CATSPERE: variants seen among roughly 807,000 people sequenced by gnomAD.
CATSPERE encodes catsper channel auxiliary subunit epsilon, also known as cation channel sperm-associated auxiliary subunit epsilon.
Under a neutral mutation model 114.1 loss-of-function variants are expected in CATSPERE, and 93 were observed. That is an observed-to-expected ratio of 0.81 (90% CI 0.69 to 0.97). The LOEUF is 0.97. Among genes scored for constraint, CATSPERE ranks in the 50% least tolerant of loss-of-function variants. The probability of loss-of-function intolerance (pLI) is 0.00; values close to 1 mark genes in which losing one functional copy is unlikely to be tolerated. For missense variants in CATSPERE, 1,058 were observed against 1,131.6 expected (o/e 0.93, Z 0.93); for synonymous variants, 341 against 384.1 (o/e 0.89, Z 1.31).
intron 13 of CATSPERE, among the ~76,000 whole-genome samples, chr1:244,584,623 C>T (rs1666755696): frequency 6.6e-6 from 1 of 152,058 alleles, no homozygotes; most frequent in Non-Finnish European, 1.5e-5. Flanking sequence ...CGTCTCCTCT[C>T]TCTATTACTT....
At position 244,461,334 on chromosome 1, in the gene CATSPERE, G is replaced by T. The variant is rs1218481114; in HGVS notation, c.-96G>T. The T allele has an allele frequency of 1.8e-6, 2 of 1,122,622 alleles. No individual in the cohort carries two copies. The allele number at this position is 1,122,622 out of a possible 1,614,324, so 69.5% of individuals were successfully genotyped here. ...CCTGTCCAGAGGCGCCGGGACCCAGGCGCCTGCAGCCGCCCGCCGGGCCGA... is the reference window on the plus strand; with the variant it reads ...CCTGTCCAGAGGCGCCGGGACCCAGTCGCCTGCAGCCGCCCGCCGGGCCGA... On this transcript the variant is annotated 5_prime_UTR_variant, in exon 1 of 22. Transcript: ENST00000366534.
At chr1:244,629,503 C>CTTTTTTTT (rs369560104) in intron 20 of CATSPERE, among the ~76,000 whole-genome samples, 6 of 82,322 alleles carry the variant, frequency 7.3e-5, no homozygotes, top group Admixed American at 1.6e-4. Flanking sequence ...TCTCTCTTAC[C>CTTTTTTTT]TTTTTTTTTT....
rs1044413217 is a variant in CATSPERE, at chr1:244,552,663, C to T, written c.878C>T (p.Ser293Leu). Residue 293 changes from serine (S) to leucine (L), a missense_variant, in exon 9 of 22, where the codon TCG becomes TTG. Ser to Leu is a moderately radical substitution (Grantham distance 145). This residue lies in a region of CATSPERE where 787 missense variants were observed against 905.6 expected (regional missense o/e 0.87). Transcript: ENST00000366534. ...ERRSVAHVIL[S>L]RDGIVFLING... ...CGGAGTGTGGCTCATGTGATCTTAT[C>T]GCGGGATGGAATCGTTTTTCTTATA... The T allele has an allele frequency of 2.5e-6, 4 of 1,613,980 alleles. No individual in the cohort carries two copies. Among genetic ancestry groups the T allele is most frequent in the African/African-American group, 2.7e-5 (2 of 74,972 alleles).
At chr1:244,475,399 A>G (rs955498238) in intron 2 of CATSPERE, among the ~76,000 whole-genome samples, 6 of 148,594 alleles carry the variant, frequency 4.0e-5, no homozygotes, top group African/African-American at 1.5e-4. Flanking sequence ...ATGCCTGGGC[A>G]ATTTTTGTAT....
At chr1:244,524,404 T>A (rs1678157806) in intron 8 of CATSPERE, among the ~76,000 whole-genome samples, 1 of 150,414 alleles carries the variant, frequency 6.6e-6, no homozygotes, top group East Asian at 1.9e-4. Flanking sequence ...AACCTAGGCA[T>A]TACCATTCAG....
In CATSPERE at chr1:244,518,648, T is replaced by C; in HGVS notation, c.486T>C (p.His162=). 6.2e-7 allele frequency: 1 copy of C among 1,601,274 alleles called. No individual in the cohort carries two copies. Among genetic ancestry groups the C allele is most frequent in the Non-Finnish European group, 8.5e-7 (1 of 1,171,812 alleles). The change falls in exon 8 of 22, where the codon CAT becomes CAC. Residue 162 remains histidine, a synonymous_variant. Transcript: ENST00000366534. ...CATTGGGACAGAAGCCTGTCATACA[T>C]ACAGTTCTGAAGAGAAAAGTTTATT... ...MATLGQKPVI[H]TVLKRKVYSS...
intron 5 of CATSPERE, 88 bp from the exon 6 acceptor site, chr1:244,490,359 T>C: frequency 1.1e-6 from 1 of 898,560 alleles, no homozygotes; most frequent in Non-Finnish European, 1.8e-6. Flanking sequence ...TATGCAAAGG[T>C]TTAGAAACAT....
chr1:244,578,975 G>A (rs1046056583), intron 11 of CATSPERE, among the ~76,000 whole-genome samples: 10 of 150,854 alleles, frequency 6.6e-5, no homozygotes, highest in Admixed American at 2.0e-4. Context: ...CTTTGCTTGG[G>A]AGCACCTTCC....
intron 8 of CATSPERE, among the ~76,000 whole-genome samples, chr1:244,548,797 T>C (rs75914603): frequency 0.052 from 7,973 of 152,228 alleles, 309 homozygotes; most frequent in Non-Finnish European, 0.075. Context: ...CTGTATATGC[T>C]CTGAATCATG....
At chr1:244,459,734 T>C (rs1419265338), upstream of CATSPERE, among the ~76,000 whole-genome samples, 1 of 152,262 alleles carries the variant, frequency 6.6e-6, no homozygotes, top group Non-Finnish European at 1.5e-5. Context: ...AAATTGGGAA[T>C]TGTACTCCTC....
chr1:244,469,349 T>G (rs1014422516), intron 2 of CATSPERE, among the ~76,000 whole-genome samples: 2 of 152,222 alleles, frequency 1.3e-5, no homozygotes, highest in African/African-American at 4.8e-5. Context: ...TAAGTCCTTA[T>G]ATATCCATTA....
intron 17 of CATSPERE, among the ~76,000 whole-genome samples, chr1:244,602,549 C>T (rs1669404083): frequency 6.6e-6 from 1 of 152,214 alleles, no homozygotes; most frequent in Non-Finnish European, 1.5e-5. Context: ...CTGTCCAACA[C>T]TCATAAGAAG....
intron 21 of CATSPERE, among the ~76,000 whole-genome samples, chr1:244,638,170 C>G (rs12402932): frequency 0.64 from 97,464 of 152,008 alleles, 31,906 homozygotes; most frequent in South Asian, 0.76. Flanking sequence ...GTATTGTCTA[C>G]ACTCACAGTC....
intron 11 of CATSPERE, 44 bp from the exon 12 acceptor site, chr1:244,581,752 C>T: frequency 1.1e-6 from 1 of 900,564 alleles, no homozygotes; most frequent in East Asian, 2.9e-5. Flanking sequence ...ATCACCACCC[C>T]CAATTTCCCT....
At chr1:244,590,568 T>C (rs1667596506) in intron 14 of CATSPERE, among the ~76,000 whole-genome samples, 1 of 152,230 alleles carries the variant, frequency 6.6e-6, no homozygotes, top group Non-Finnish European at 1.5e-5. Context: ...GGAAACTCTT[T>C]ACCCAGTTAG....
intron 1 of CATSPERE, among the ~76,000 whole-genome samples, chr1:244,462,104 T>G (rs1477743125): frequency 6.6e-6 from 1 of 152,188 alleles, no homozygotes; most frequent in African/African-American, 2.4e-5. Context: ...GACTATGAGC[T>G]CTGAGCCATG....
intron 5 of CATSPERE, among the ~76,000 whole-genome samples, chr1:244,487,276 C>T (rs116144807): frequency 0.011 from 1,660 of 151,550 alleles, 40 homozygotes; most frequent in African/African-American, 0.038. Context: ...GGGCCAGGTA[C>T]AGACCCTTCT....
Position 244,463,910 on chromosome 1 carries a change from A to T in CATSPERE, c.68A>T (p.Tyr23Phe), listed in dbSNP as rs78245192. The stretch of plus-strand genomic sequence containing the variant: ...ATACTTGGCCTCTTCCTCCACAGGT[A>T]TTCCACTAACAGCCCAAACTATCGC... ...LSCYGSALWR[Y>F]STNSPNYRIF... The change falls in exon 2 of 22, where the codon TAT (tyrosine) becomes TTT (phenylalanine). Residue 23 changes from tyrosine (Y) to phenylalanine (F), a missense_variant and splice_region_variant. Physicochemically the swap from Tyr to Phe is conservative, Grantham distance 22. Around this residue, in one of 2 missense-constraint regions of CATSPERE, gnomAD observed 271 missense variants for 225.9 expected, o/e 1.20. Coordinates refer to ENST00000366534, the MANE Select transcript of CATSPERE (RefSeq NM_001130957.2). 5.9e-4 allele frequency: 946 copies of T among 1,597,734 alleles called. 5 individuals carry two copies. In the African/African-American group the frequency reaches 0.011, roughly 18 times the overall value.
chr1:244,475,577 G>A (rs1432131485), intron 2 of CATSPERE, among the ~76,000 whole-genome samples: 8 of 123,772 alleles, frequency 6.5e-5, no homozygotes, highest in African/African-American at 1.6e-4. Context: ...TCACTCCGTC[G>A]CCAGGCTAGA....
Sources: allele counts gnomAD v4.1 joint callset (sites outside exome capture counted in the v4.1 genomes callset), GRCh38; gene constraint gnomAD v4.1.1; regional missense constraint gnomAD v4.1.1; transcripts MANE v1.5; gene names NCBI Gene and HGNC (gene_info 2026-07-23, HGNC 2026-07-21).